Variants in POLR3E observed in about 807,000 individuals in gnomAD.
POLR3E encodes the protein RNA polymerase III subunit E.
In POLR3E, 41 loss-of-function variants were observed where a neutral mutation model predicts 96.6. That is an observed-to-expected ratio of 0.42 (90% CI 0.33 to 0.55). POLR3E has a LOEUF of 0.55. POLR3E is among the 20% of genes least tolerant of loss of function. POLR3E has a pLI of 0.06. For synonymous variants in POLR3E, 396 were observed against 383.6 expected (o/e 1.03, Z -0.38); for missense variants, 849 against 952.1 (o/e 0.89, Z 1.43).
At chr16:22,326,864 A>G (rs901749110) in intron 18 of POLR3E, 3 of 164,818 alleles carry the variant, frequency 1.8e-5, no homozygotes, top group African/African-American at 7.2e-5. Flanking sequence ...CTCCCTGTGC[A>G]TCAGAAGCAA....
In POLR3E at chr16:22,322,320, A is replaced by G. The variant is rs1347877821; in HGVS notation, c.987-530A>G. ...TGGAGATTCTCGTGCCCTGCTGTCC[A>G]AGGCCCCGGCCTTTCCTCTGAAGTT... On this transcript the variant is annotated intron_variant, in intron 13 of 20. Coordinates refer to ENST00000299853, the MANE Select transcript of POLR3E (RefSeq NM_018119.4). This position sits in a 1 kb window ranked among gnomAD's most constrained non-coding sequence, Gnocchi z 5.2. Among the ~76,000 whole-genome samples, 9 of 152,262 alleles carry G rather than the reference A, an allele frequency of 5.9e-5. No individual in the cohort carries two copies. The South Asian group carries it at 1.4e-3, about 25-fold the overall frequency.
intron 17 of POLR3E, chr16:22,325,488 TG>T (rs2048561586): frequency 1.6e-6 from 1 of 608,768 alleles, no homozygotes; most frequent in African/African-American, 1.9e-5. Flanking sequence ...GGGCTGAGTC[TG>T]GGTTCCAGGT....
Position 22,322,944 on chromosome 16 carries a change from G to T in POLR3E, c.1068+13G>T, listed in dbSNP as rs1322426679. ...CCGAGACTTCGTTGTAAGTACCTTG[G>T]GTTCTCTGGACTCACGGTGGGGGCG... On this transcript the variant is annotated intron_variant, in intron 14 of 20. Coordinates refer to ENST00000299853, the MANE Select transcript of POLR3E (RefSeq NM_018119.4). This position sits in a 1 kb window ranked among gnomAD's most constrained non-coding sequence, Gnocchi z 5.2. The T allele has an allele frequency of 6.3e-7, 1 of 1,590,940 alleles. No individual in the cohort carries two copies. The highest frequency in any genetic ancestry group is 1.3e-5 in the African/African-American group (1 of 74,530).
chr16:22,329,459 G>A (rs1408788257), intron 19 of POLR3E, among the ~76,000 whole-genome samples: 1 of 152,098 alleles, frequency 6.6e-6, no homozygotes, highest in Non-Finnish European at 1.5e-5. Flanking sequence ...TAATTTGATG[G>A]TCGAAACGCC....
rs2048374299 is a variant in POLR3E at position 22,317,176 on chromosome 16, G to A, written c.835G>A (p.Ala279Thr). The A allele has an allele frequency of 6.2e-7, 1 of 1,613,586 alleles. No homozygotes were observed. The highest frequency in any genetic ancestry group is 8.5e-7 in the Non-Finnish European group (1 of 1,179,994). The change falls in exon 12 of 21, where the codon GCC becomes ACC. Residue 279 changes from alanine (A) to threonine (T), a missense_variant. Coordinates refer to ENST00000299853, the MANE Select transcript of POLR3E (RefSeq NM_018119.4). ...GGCCCAGCTGCGCACGCTGCCCCTG[G>A]CCGATCAGATCAAGATCCTGATGAA... ...SMAQLRTLPL[A>T]DQIKILMKNV...
chr16:22,319,022 T>G (rs2048417069), intron 13 of POLR3E, 76 bp downstream of exon 13: 3 of 1,100,816 alleles, frequency 2.7e-6, no homozygotes, highest in Non-Finnish European at 3.9e-6. Context: ...TTGCCCAGGC[T>G]GGTGTGTAGT....
At chr16:22,320,520 C>G (rs931674548) in intron 13 of POLR3E, among the ~76,000 whole-genome samples, 1 of 152,166 alleles carries the variant, frequency 6.6e-6, no homozygotes. Context: ...CTCGGCCTCC[C>G]AAAGTGCTGG....
In POLR3E at chr16:22,324,431, G is replaced by A. The variant is rs1403075693; in HGVS notation, c.1128+18G>A. On this transcript the variant is annotated intron_variant, in intron 15 of 20. Coordinates refer to ENST00000299853, the MANE Select transcript of POLR3E (RefSeq NM_018119.4). ...TGACCAAAGTAAGTGGCGTTTTTGT[G>A]GTCTGAGGCCCAGGCTGCTGCTGGA... The A allele has an allele frequency of 4.3e-6, 7 of 1,611,604 alleles. No homozygotes were observed. The highest frequency in any genetic ancestry group is 5.1e-6 in the Non-Finnish European group (6 of 1,178,844).
At chr16:22,332,450 C>T (rs779987836) in intron 20 of POLR3E, among the ~76,000 whole-genome samples, 1 of 152,172 alleles carries the variant, frequency 6.6e-6, no homozygotes, top group Non-Finnish European at 1.5e-5. Context: ...TGCTTTGTTT[C>T]TCTTTCTGGT....
At chr16:22,301,759 C>G (rs1238923076) in intron 1 of POLR3E, among the ~76,000 whole-genome samples, 1 of 151,550 alleles carries the variant, frequency 6.6e-6, no homozygotes, top group African/African-American at 2.4e-5. Context: ...GTCCCTGTCT[C>G]TACTAAAAAT....
At position 22,314,181 on chromosome 16, in the gene POLR3E, A is replaced by G. The variant is rs2048308367; in HGVS notation, c.522+53A>G. On this transcript the variant is annotated intron_variant, in intron 8 of 20. Coordinates refer to ENST00000299853, the MANE Select transcript of POLR3E (RefSeq NM_018119.4). ...GTGCTGCCTGGGCGGCAGCAGGACC[A>G]GAGACCAAGGGGTAGCGGGTCTTCA... is the stretch of plus-strand genomic sequence containing the variant. 2.8e-6 allele frequency: 4 copies of G among 1,437,212 alleles called. No individual in the cohort carries two copies. In the Admixed American group the frequency reaches 6.8e-5, roughly 24 times the overall value. 89.0% of individuals were successfully genotyped at this position (1,437,212 alleles called of 1,614,324 possible).
Position 22,297,533 on chromosome 16 carries a change from G to A in POLR3E, c.-43G>A, listed in dbSNP as rs1301774996. 1 of 152,514 alleles carries A rather than the reference G, an allele frequency of 6.6e-6. No homozygotes were observed. The highest frequency in any genetic ancestry group is 1.9e-4 in the East Asian group (1 of 5,208). 9.4% of individuals were successfully genotyped at this position (152,514 alleles called of 1,614,324 possible). A position where few individuals can be genotyped will look rare whatever the true frequency, so the allele number is the denominator to read the frequency against. The stretch of plus-strand genomic sequence containing the variant: ...CCGCCGTCCGCGCTCGGCCCCCGCG[G>A]AGAGGTGAGTCCCGTCTTGGCAGTG... On this transcript the variant is annotated 5_prime_UTR_variant, in exon 1 of 21. Transcript: ENST00000299853.
chr16:22,330,010 T>C (rs1185935234), intron 19 of POLR3E, among the ~76,000 whole-genome samples: 1 of 151,730 alleles, frequency 6.6e-6, no homozygotes, highest in African/African-American at 2.4e-5. Flanking sequence ...GGATGAGATT[T>C]AGCTCTCAAC....
intron 8 of POLR3E, chr16:22,314,870 G>T: frequency 2.2e-6 from 1 of 451,210 alleles, no homozygotes; most frequent in Non-Finnish European, 4.0e-6. Context: ...AAGCCTCTGG[G>T]CTGGGCAGGC....
chr16:22,328,283 G>A (rs1598276197), intron 18 of POLR3E: 7 of 548,652 alleles, frequency 1.3e-5, no homozygotes, highest in East Asian at 9.1e-5. Context: ...TCCCCCTCTC[G>A]CTGAAGCCCT....
chr16:22,321,426 T>C (rs2048469428), intron 13 of POLR3E, among the ~76,000 whole-genome samples: 1 of 152,252 alleles, frequency 6.6e-6, no homozygotes, highest in South Asian at 2.1e-4. Flanking sequence ...CTTGCACTGC[T>C]CCACAGGTGC....
At chr16:22,321,378 T>G (rs2048468301) in intron 13 of POLR3E, among the ~76,000 whole-genome samples, 1 of 152,214 alleles carries the variant, frequency 6.6e-6, no homozygotes, top group Non-Finnish European at 1.5e-5. Context: ...TCCTCATAGT[T>G]GTAGAGTATA....
At chr16:22,298,417 G>C (rs1022862950) in intron 1 of POLR3E, among the ~76,000 whole-genome samples, 1 of 152,212 alleles carries the variant, frequency 6.6e-6, no homozygotes, top group Non-Finnish European at 1.5e-5. Flanking sequence ...CAGAGGTTAC[G>C]TTTATTAGCG....
At chr16:22,303,115 C>T (rs2048061371) in intron 2 of POLR3E, 111 bp downstream of exon 2, 2 of 1,012,622 alleles carry the variant, frequency 2.0e-6, no homozygotes, top group Non-Finnish European at 3.2e-6. Context: ...GGACCCCTAA[C>T]CCTTGCTGTT....
Sources: allele counts gnomAD v4.1 joint callset (sites outside exome capture counted in the v4.1 genomes callset), GRCh38; gene constraint gnomAD v4.1.1; non-coding constraint Gnocchi (gnomAD v3.1); transcripts MANE v1.5; gene names NCBI Gene and HGNC (gene_info 2026-07-23, HGNC 2026-07-21).